TXNRD3: variants seen among roughly 807,000 people sequenced by gnomAD.
The protein encoded by TXNRD3 is thioredoxin reductase 3.
Under a neutral mutation model 78.2 loss-of-function variants are expected in TXNRD3, and 68 were observed. The observed-to-expected ratio is 0.87, with a 90% CI of 0.72 to 1.06. The LOEUF (loss-of-function observed/expected upper bound fraction) is 1.06, where lower values mean the gene tolerates loss of function less well. Ranked by LOEUF, TXNRD3 falls within the 50% of genes least tolerant of loss-of-function variation. The pLI is 0.00. For missense variants in TXNRD3, 751 were observed against 809.5 expected (o/e 0.93, Z 0.88); for synonymous variants, 296 against 300.1 (o/e 0.99, Z 0.14).
At chr3:126,643,535 G>C (rs1039083462) in intron 5 of TXNRD3, among the ~76,000 whole-genome samples, 1 of 152,150 alleles carries the variant, frequency 6.6e-6, no homozygotes, top group Non-Finnish European at 1.5e-5. Context: ...ACGTGACCAC[G>C]ACACAGTACA....
At chr3:126,649,343 A>G (rs533340778) in intron 1 of TXNRD3, among the ~76,000 whole-genome samples, 1 of 152,244 alleles carries the variant, frequency 6.6e-6, no homozygotes, top group Non-Finnish European at 1.5e-5. Flanking sequence ...AAAGAAAATA[A>G]CAAATGTTGG....
intron 6 of TXNRD3, among the ~76,000 whole-genome samples, chr3:126,637,737 T>C (rs1576292435): frequency 6.6e-6 from 1 of 152,106 alleles, no homozygotes; most frequent in East Asian, 1.9e-4. Context: ...TTATGTAAGG[T>C]ATCTTATTTT....
chr3:126,644,218 T>C (rs1170180898), intron 4 of TXNRD3, 79 bp downstream of exon 4: 8 of 1,351,974 alleles, frequency 5.9e-6, no homozygotes, highest in Non-Finnish European at 8.1e-6. Flanking sequence ...CATTAGTTTG[T>C]TTTTTTTTAA....
chr3:126,611,071 C>A lies in TXNRD3; in HGVS notation c.1694G>T (p.Cys565Phe). Residue 565 changes from cysteine to phenylalanine, a missense_variant, in exon 14 of 16, where the codon TGT (cysteine) becomes TTT (phenylalanine). Transcript: ENST00000524230. ...TTTATTGCAGATTATCTTTGCATAA[C>A]AAGTGTTGTTCTCTCTGCCAGCTAC... 1 of 1,523,716 alleles carries A rather than the reference C, an allele frequency of 6.6e-7. No individual in the cohort carries two copies. The highest frequency in any genetic ancestry group is 8.8e-7 in the Non-Finnish European group (1 of 1,140,076). The allele number at this position is 1,523,716 out of a possible 1,614,324, so 94.4% of individuals were successfully genotyped here.
intron 10 of TXNRD3, among the ~76,000 whole-genome samples, chr3:126,623,277 C>T (rs892611724): frequency 4.6e-5 from 7 of 151,972 alleles, no homozygotes; most frequent in Non-Finnish European, 8.8e-5. Flanking sequence ...TACTTAAGTA[C>T]GAAATAATGC....
At chr3:126,617,404 C>G (rs145666243) in intron 12 of TXNRD3, among the ~76,000 whole-genome samples, 1 of 152,282 alleles carries the variant, frequency 6.6e-6, no homozygotes, top group Non-Finnish European at 1.5e-5. Flanking sequence ...TGGTCCCCAT[C>G]CATTAATGCC....
chr3:126,646,656 T>TA (rs1933240562), intron 2 of TXNRD3, among the ~76,000 whole-genome samples: 1 of 152,220 alleles, frequency 6.6e-6, no homozygotes, highest in African/African-American at 2.4e-5. Flanking sequence ...ACTACCTTAT[T>TA]GGTAAACCCT....
At position 126,648,081 on chromosome 3, in the gene TXNRD3, G is replaced by A. The variant is rs575606529; in HGVS notation, c.244-785C>T. Among the ~76,000 whole-genome samples, 20 of 151,938 alleles carry A rather than the reference G, an allele frequency of 1.3e-4. No homozygotes were observed. The East Asian group carries it at 2.7e-3, about 21-fold the overall frequency. On this transcript the variant is annotated intron_variant, in intron 1 of 15. Coordinates refer to ENST00000524230, the MANE Select transcript of TXNRD3 (RefSeq NM_052883.3). ...AGTTGATTTTCTGTATACCAATAAC[G>A]AACAATCCAAAATAGAAATTGAGAA...
intron 3 of TXNRD3, 80 bp downstream of exon 3, chr3:126,646,031 A>T: frequency 2.6e-6 from 3 of 1,161,280 alleles, no homozygotes; most frequent in Non-Finnish European, 3.5e-6. Flanking sequence ...GTGGACTCCT[A>T]AAAACCATTT....
At chr3:126,642,809 A>T (rs1933126443) in intron 5 of TXNRD3, among the ~76,000 whole-genome samples, 1 of 152,240 alleles carries the variant, frequency 6.6e-6, no homozygotes, top group African/African-American at 2.4e-5. Context: ...TCTAGGCTAT[A>T]ACTTTCTGAG....
At chr3:126,621,095 C>G (rs1372798252) in intron 12 of TXNRD3, among the ~76,000 whole-genome samples, 1 of 152,182 alleles carries the variant, frequency 6.6e-6, no homozygotes, top group African/African-American at 2.4e-5. Context: ...TATCTGCCCA[C>G]CTGAAAAGTC....
intron 6 of TXNRD3, among the ~76,000 whole-genome samples, chr3:126,640,329 G>T (rs1476449374): frequency 1.0e-4 from 1 of 9,902 alleles, no homozygotes; most frequent in African/African-American, 1.6e-4. Context: ...GGATGGTCTC[G>T]ATCTCCTGAC....
In TXNRD3 at chr3:126,646,250, C is replaced by G. The variant is rs534032148; in HGVS notation, c.305-30G>C. 2.9e-5 allele frequency: 43 copies of G among 1,472,370 alleles called. No homozygotes were observed. The African/African-American group carries it at 5.2e-4, about 18-fold the overall frequency. 91.2% of individuals were successfully genotyped at this position (1,472,370 alleles called of 1,614,324 possible). ...AGAAGAAAAAAACTATATATAAAAA[C>G]ACTGAAAAGAGTTTCAAATCTTTGT... On this transcript the variant is annotated intron_variant, in intron 2 of 15. Transcript: ENST00000524230.
At chr3:126,653,619 T>C (rs1287064710) in intron 1 of TXNRD3, among the ~76,000 whole-genome samples, 1 of 152,260 alleles carries the variant, frequency 6.6e-6, no homozygotes, top group Non-Finnish European at 1.5e-5. Flanking sequence ...TTGGTATCAC[T>C]ACTTGGAAAC....
At chr3:126,643,903 G>T in intron 5 of TXNRD3, 78 bp downstream of exon 5, 3 of 1,334,002 alleles carry the variant, frequency 2.2e-6, no homozygotes, top group Non-Finnish European at 3.0e-6. Flanking sequence ...TGAGATTGTT[G>T]TGAGGATTAA....
At chr3:126,623,325 G>A (rs1938499880) in intron 10 of TXNRD3, among the ~76,000 whole-genome samples, 1 of 152,098 alleles carries the variant, frequency 6.6e-6, no homozygotes, top group African/African-American at 2.4e-5. Context: ...GAGAAAAAGG[G>A]AGTACTTCCC....
intron 1 of TXNRD3, among the ~76,000 whole-genome samples, chr3:126,648,001 T>C (rs1014357977): frequency 5.3e-5 from 8 of 152,258 alleles, no homozygotes; most frequent in African/African-American, 1.4e-4. Context: ...ACCAAAACTG[T>C]TGAAATAAAG....
chr3:126,623,793 C>A (rs1303149568), intron 10 of TXNRD3, among the ~76,000 whole-genome samples: 3 of 143,270 alleles, frequency 2.1e-5, no homozygotes, highest in East Asian at 4.1e-4. Context: ...GACAGGCATG[C>A]CCATTCTCAC....
At chr3:126,644,642 G>C (rs1273332995) in intron 3 of TXNRD3, among the ~76,000 whole-genome samples, 1 of 152,222 alleles carries the variant, frequency 6.6e-6, no homozygotes, top group East Asian at 1.9e-4. Flanking sequence ...AGCTAGGAAT[G>C]TGTCAAATAA....
Sources: allele counts gnomAD v4.1 joint callset (sites outside exome capture counted in the v4.1 genomes callset), GRCh38; gene constraint gnomAD v4.1.1; transcripts MANE v1.5; gene names NCBI Gene and HGNC (gene_info 2026-07-23, HGNC 2026-07-21).